Variants in FOXP1 observed in about 807,000 individuals in gnomAD.
The protein encoded by FOXP1 is forkhead box P1.
A neutral mutation model predicts 98.2 loss-of-function variants in FOXP1; 15 were observed. That is an observed-to-expected ratio of 0.15 (90% CI 0.10 to 0.24). The LOEUF is 0.24. Among genes scored for constraint, FOXP1 ranks in the 10% least tolerant of loss-of-function variants. The pLI is 1.00. For missense variants in FOXP1, 633 were observed against 848.5 expected, an observed-to-expected ratio of 0.75 and a Z score of 3.15; for synonymous variants, 371 against 314.5, an observed-to-expected ratio of 1.18 and a Z score of -1.90.
At chr3:70,993,456 G>A (rs2040914671) in intron 13 of FOXP1, among the ~76,000 whole-genome samples, 1 of 152,196 alleles carries the variant, frequency 6.6e-6, no homozygotes, top group African/African-American at 2.4e-5. Context: ...ACAAAGGCTG[G>A]GTTAACCTCC....
At chr3:71,112,664 T>C (rs1310396788) in intron 6 of FOXP1, 27 bp from the exon 7 acceptor site, 3 of 1,547,570 alleles carry the variant, frequency 1.9e-6, no homozygotes, top group Admixed American at 3.3e-5. Flanking sequence ...GAAAATCCTT[T>C]GCGTTACTAC....
intron 3 of FOXP1, among the ~76,000 whole-genome samples, chr3:71,455,136 A>G (rs768095040): frequency 2.6e-5 from 4 of 152,148 alleles, no homozygotes; most frequent in Non-Finnish European, 4.4e-5. Flanking sequence ...AAATGTGTGC[A>G]TTCTCGGTAA....
At chr3:71,072,104 T>C (rs1173259137) in intron 7 of FOXP1, among the ~76,000 whole-genome samples, 1 of 152,144 alleles carries the variant, frequency 6.6e-6, no homozygotes, top group Non-Finnish European at 1.5e-5. Flanking sequence ...GGAGGATCAC[T>C]TGGGGCCAGG....
chr3:71,192,512 T>C (rs1385097973), intron 6 of FOXP1, among the ~76,000 whole-genome samples: 1 of 152,204 alleles, frequency 6.6e-6, no homozygotes, highest in African/African-American at 2.4e-5. Context: ...ACAGAGGCAG[T>C]TAAAAAGCTG....
intron 5 of FOXP1, among the ~76,000 whole-genome samples, chr3:71,255,981 A>G (rs1282602203): frequency 2.0e-5 from 3 of 152,078 alleles, no homozygotes; most frequent in Non-Finnish European, 4.4e-5. Context: ...TTGTGCATTT[A>G]CTCTATTTCT....
Position 70,956,942 on chromosome 3 carries a change from A to G in FOXP1, c.*2305T>C, listed in dbSNP as rs2031975597. On this transcript the variant is annotated 3_prime_UTR_variant, in exon 21 of 21. Transcript: ENST00000649528. ...TAATCGGAAAAAAAGGAAAAATTAA[A>G]AATAAAAACAAACTGAAGGATATAT... 4.6e-6 allele frequency: 1 copy of G among 216,406 alleles called. No individual in the cohort carries two copies. The highest frequency in any genetic ancestry group is 1.8e-4 in the South Asian group (1 of 5,408). 13.4% of individuals were successfully genotyped at this position (216,406 alleles called of 1,614,324 possible). A position where few individuals can be genotyped will look rare whatever the true frequency, so the allele number is the denominator to read the frequency against.
intron 3 of FOXP1, among the ~76,000 whole-genome samples, chr3:71,431,308 G>A (rs1053039803): frequency 7.9e-5 from 12 of 152,174 alleles, no homozygotes; most frequent in African/African-American, 2.7e-4. Context: ...GACAGAGTGC[G>A]AGAATAAGTG....
intron 2 of FOXP1, among the ~76,000 whole-genome samples, chr3:71,560,958 G>C (rs1245473671): frequency 1.3e-5 from 2 of 152,120 alleles, no homozygotes; most frequent in African/African-American, 2.4e-5. Flanking sequence ...TCAGCTAAAG[G>C]GTTTCTTCTG....
chr3:71,110,573 A>T (rs969162646), intron 7 of FOXP1, among the ~76,000 whole-genome samples: 1 of 152,188 alleles, frequency 6.6e-6, no homozygotes, highest in African/African-American at 2.4e-5. Context: ...TACATTAATA[A>T]ATTAGAATTT....
intron 6 of FOXP1, among the ~76,000 whole-genome samples, chr3:71,120,494 A>C (rs796642467): frequency 5.3e-5 from 8 of 152,360 alleles, no homozygotes; most frequent in African/African-American, 1.9e-4. Context: ...CTTTGCAAAT[A>C]AGTTTATGAG....
intron 2 of FOXP1, among the ~76,000 whole-genome samples, chr3:71,545,211 C>A (rs926724454): frequency 2.0e-5 from 3 of 152,138 alleles, no homozygotes; most frequent in Non-Finnish European, 2.9e-5. Flanking sequence ...GAGAGAAGGA[C>A]TGGTTTTCAC....
chr3:71,263,323 G>A (rs1347741364), intron 5 of FOXP1, among the ~76,000 whole-genome samples: 3 of 152,178 alleles, frequency 2.0e-5, no homozygotes, highest in Non-Finnish European at 2.9e-5. Context: ...GCAACACCAC[G>A]AAAGCCAGGA....
At chr3:71,583,877 C>G (rs2048391269), upstream of FOXP1, 1 of 985,560 alleles carries the variant, frequency 1.0e-6, no homozygotes, top group African/African-American at 1.7e-5. Context: ...GACCCTCTAC[C>G]TCCCGCAGGG....
rs1368795916 is a variant in FOXP1, at chr3:71,396,958, ATATATGTGTGTATATATATATATGTG to A, written c.-167-37740_-167-37715del. 5.1e-3 allele frequency among the ~76,000 whole-genome samples: 219 copies of A among 42,690 alleles called. 19 individuals carry two copies. The highest frequency in any genetic ancestry group is 0.017 in the African/African-American group (200 of 11,444). 28.0% of individuals were successfully genotyped at this position (42,690 alleles called of 152,430 possible). A position where few individuals can be genotyped will look rare whatever the true frequency, so the allele number is the denominator to read the frequency against. On this transcript the variant is annotated intron_variant, in intron 3 of 20. Coordinates refer to ENST00000649528, the MANE Select transcript of FOXP1 (RefSeq NM_001349338.3). ...TACACATATATATATGTGTATATAT[ATATATGTGTGTATATATATATATGTG>A]TATATATATACACATATATATGTGT...
At chr3:71,176,021 G>C (rs1172466110) in intron 6 of FOXP1, among the ~76,000 whole-genome samples, 2 of 152,196 alleles carry the variant, frequency 1.3e-5, no homozygotes, top group Admixed American at 1.3e-4. Context: ...AGTAACTGTG[G>C]CAACTTCAAA....
At chr3:71,241,212 A>AAAAAC (rs921405381) in intron 5 of FOXP1, among the ~76,000 whole-genome samples, 2 of 150,726 alleles carry the variant, frequency 1.3e-5, no homozygotes, top group East Asian at 2.0e-4. Context: ...TCCATCTCAA[A>AAAAAC]AAAACAAAAC....
chr3:71,419,250 A>T (rs2083446229), intron 3 of FOXP1, among the ~76,000 whole-genome samples: 1 of 150,502 alleles, frequency 6.6e-6, no homozygotes, highest in African/African-American at 2.4e-5. Context: ...AAAAAAAAAA[A>T]AAAAAAAAAA....
chr3:71,082,898 G>A (rs2054604522), intron 7 of FOXP1, among the ~76,000 whole-genome samples: 1 of 152,104 alleles, frequency 6.6e-6, no homozygotes, highest in Non-Finnish European at 1.5e-5. Context: ...ATATGATATG[G>A]CTCACCTCTT....
At chr3:71,370,035 G>A (rs2079186200) in intron 3 of FOXP1, among the ~76,000 whole-genome samples, 1 of 152,140 alleles carries the variant, frequency 6.6e-6, no homozygotes, top group African/African-American at 2.4e-5. Flanking sequence ...GAAGTCGGTG[G>A]GTGTTAGCCA....
Sources: allele counts gnomAD v4.1 joint callset (sites outside exome capture counted in the v4.1 genomes callset), GRCh38; gene constraint gnomAD v4.1.1; transcripts MANE v1.5; gene names NCBI Gene and HGNC (gene_info 2026-07-23, HGNC 2026-07-21).